Variants in RBMS1 observed in about 807,000 individuals in gnomAD.
RBMS1 encodes the protein RNA binding motif single stranded interacting protein 1, also known as RNA-binding motif, single-stranded-interacting protein 1.
RBMS1 carries 17 observed loss-of-function variants against 62.3 expected under a neutral mutation model. The observed-to-expected ratio is 0.27, with a 90% CI of 0.19 to 0.41. The LOEUF is 0.41. RBMS1 is among the 10% of genes least tolerant of loss of function. The probability of loss-of-function intolerance (pLI) is 1.00; values close to 1 mark genes in which losing one functional copy is unlikely to be tolerated. For missense variants in RBMS1, 334 were observed against 504.5 expected, an observed-to-expected ratio of 0.66 and a Z score of 3.24; for synonymous variants, 172 against 170.0, an observed-to-expected ratio of 1.01 and a Z score of -0.09.
chr2:160,424,231 C>T (rs886795946), intron 1 of RBMS1, among the ~76,000 whole-genome samples: 1 of 151,930 alleles, frequency 6.6e-6, no homozygotes, highest in Non-Finnish European at 1.5e-5. Context: ...GTTGGCCAGG[C>T]TGGTCTCAAA....
intron 1 of RBMS1, among the ~76,000 whole-genome samples, chr2:160,440,130 T>C (rs1166555022): frequency 2.6e-5 from 1 of 37,752 alleles, no homozygotes; most frequent in Non-Finnish European, 7.1e-5. Context: ...TTTTTTTCCC[T>C]GAGACAGAGT....
At chr2:160,333,070 GC>G (rs1198644392) in intron 2 of RBMS1, among the ~76,000 whole-genome samples, 6 of 151,946 alleles carry the variant, frequency 3.9e-5, no homozygotes, top group African/African-American at 1.5e-4. Context: ...AAGACGTAAG[GC>G]AACCCAGGTG....
rs1685971283 is a variant in RBMS1 at position 160,493,646 on chromosome 2, T to A, written c.-283A>T. 2.0e-6 allele frequency: 1 copy of A among 494,940 alleles called. No individual in the cohort carries two copies. Among genetic ancestry groups the A allele is most frequent in the Non-Finnish European group, 3.6e-6 (1 of 274,028 alleles). 30.7% of individuals were successfully genotyped at this position (494,940 alleles called of 1,614,324 possible). On this transcript the variant is annotated 5_prime_UTR_variant, in exon 1 of 14. Transcript: ENST00000348849. ...GCAGAGGGCACCCCGGACAGGGCGC[T>A]CCCAAGGAGTTTCCTCCCGGAGCCC...
chr2:160,343,616 TA>T (rs1221654586), intron 2 of RBMS1, among the ~76,000 whole-genome samples: 1 of 152,104 alleles, frequency 6.6e-6, no homozygotes, highest in African/African-American at 2.4e-5. Flanking sequence ...TCACCTGGAG[TA>T]AAATTTAATT....
chr2:160,478,395 T>G (rs993278388), intron 1 of RBMS1, among the ~76,000 whole-genome samples: 1 of 152,198 alleles, frequency 6.6e-6, no homozygotes, highest in Non-Finnish European at 1.5e-5. Context: ...CATACAATCC[T>G]AAGAAGTTGG....
Position 160,447,793 on chromosome 2 carries a change from T to C in RBMS1, c.75+45496A>G, listed in dbSNP as rs1167462557. The stretch of plus-strand genomic sequence containing the variant: ...AAGATCAAGAGATACTGCAGCATGC[T>C]CTTCTGAGTGCTGGGGGTCAAGAGA... On this transcript the variant is annotated intron_variant, in intron 1 of 13. Coordinates refer to ENST00000348849, the MANE Select transcript of RBMS1 (RefSeq NM_016836.4). 2.0e-5 allele frequency among the ~76,000 whole-genome samples: 3 copies of C among 152,218 alleles called. No individual in the cohort carries two copies. In the South Asian group the frequency reaches 6.2e-4, roughly 31 times the overall value.
chr2:160,357,580 T>A (rs1388700631), intron 2 of RBMS1, among the ~76,000 whole-genome samples: 1 of 152,128 alleles, frequency 6.6e-6, no homozygotes, highest in Non-Finnish European at 1.5e-5. Flanking sequence ...CAGGATGACA[T>A]TAAAATTCCC....
At chr2:160,408,504 T>A in intron 1 of RBMS1, 1 of 152,054 alleles carries the variant, frequency 6.6e-6, no homozygotes, top group African/African-American at 2.4e-5. Flanking sequence ...TAAGCCAGAG[T>A]TTACCAGCTT....
intron 1 of RBMS1, among the ~76,000 whole-genome samples, chr2:160,448,372 C>T (rs1436673072): frequency 6.6e-6 from 1 of 150,484 alleles, no homozygotes; most frequent in Non-Finnish European, 1.5e-5. Context: ...CTGCCGCCAT[C>T]TCGGCTCACT....
At chr2:160,470,891 T>C (rs1684888474) in intron 1 of RBMS1, among the ~76,000 whole-genome samples, 1 of 152,224 alleles carries the variant, frequency 6.6e-6, no homozygotes, top group Non-Finnish European at 1.5e-5. Context: ...GTTCCAAGAA[T>C]GGTCTCTCTC....
intron 1 of RBMS1, among the ~76,000 whole-genome samples, chr2:160,473,721 A>T (rs959654302): frequency 6.6e-6 from 1 of 152,218 alleles, no homozygotes; most frequent in Non-Finnish European, 1.5e-5. Context: ...ATACCAGAAC[A>T]GTCTGCTCTG....
Position 160,367,311 on chromosome 2 carries a change from G to A in RBMS1, c.156C>T (p.Ser52=). ...TGCTGAGCTGATCCCATCCTGAGTT[G>A]CTACTGCTGCTACTGTTGTTATTAC... The part of the protein sequence containing the change: ...TSSNNNSSSS[S]NSGWDQLSKT... Residue 52 remains serine (S), a synonymous_variant, in exon 2 of 14, where the codon AGC becomes AGT. Transcript: ENST00000348849. 6.2e-7 allele frequency: 1 copy of A among 1,614,034 alleles called. No individual in the cohort carries two copies. The highest frequency in any genetic ancestry group is 1.7e-5 in the Admixed American group (1 of 60,010).
intron 1 of RBMS1, 193 bp from the exon 2 acceptor site, chr2:160,367,584 G>T: frequency 3.8e-6 from 4 of 1,043,192 alleles, no homozygotes; most frequent in East Asian, 2.9e-5. Context: ...TTGATAATAG[G>T]GTTTACTAAG....
chr2:160,319,063 T>C (rs372444007), intron 2 of RBMS1, among the ~76,000 whole-genome samples: 1 of 152,244 alleles, frequency 6.6e-6, no homozygotes, highest in East Asian at 1.9e-4. Flanking sequence ...ATACTGCTAC[T>C]GAAAACGAAG....
Position 160,365,885 on chromosome 2 carries a change from G to A in RBMS1, c.251+1331C>T, listed in dbSNP as rs529456631. Among the ~76,000 whole-genome samples the A allele has an allele frequency of 1.8e-4, 27 of 152,344 alleles. No homozygotes were observed. The Middle Eastern group carries it at 0.017, about 96-fold the overall frequency. Reference sequence around the variant, plus strand: ...TGTGGTCTTGAACAGCTGCAATAGGGCAGGGCGTGCCTGGCAGGGTTCCCT... The same window carrying A: ...TGTGGTCTTGAACAGCTGCAATAGGACAGGGCGTGCCTGGCAGGGTTCCCT... On this transcript the variant is annotated intron_variant, in intron 2 of 13. Transcript: ENST00000348849.
intron 1 of RBMS1, among the ~76,000 whole-genome samples, chr2:160,480,974 A>G (rs1300607508): frequency 6.6e-6 from 1 of 151,672 alleles, no homozygotes; most frequent in African/African-American, 2.4e-5. Flanking sequence ...TCAGCTACTC[A>G]AGAGGCTGAG....
intron 10 of RBMS1, 66 bp downstream of exon 10, chr2:160,281,248 T>A: frequency 7.6e-7 from 1 of 1,310,416 alleles, no homozygotes; most frequent in Non-Finnish European, 1.0e-6. Context: ...CAAATGGTTT[T>A]AACCTAGAGA....
At chr2:160,380,816 G>C (rs1443288836) in intron 1 of RBMS1, among the ~76,000 whole-genome samples, 1 of 152,186 alleles carries the variant, frequency 6.6e-6, no homozygotes, top group East Asian at 1.9e-4. Flanking sequence ...CCTCGTGGCA[G>C]GGAACGGTGG....
At chr2:160,460,677 A>G (rs1406769622) in intron 1 of RBMS1, among the ~76,000 whole-genome samples, 1 of 152,178 alleles carries the variant, frequency 6.6e-6, no homozygotes, top group Non-Finnish European at 1.5e-5. Context: ...CTTTTTAATG[A>G]TGCCCTTGAG....
Sources: allele counts gnomAD v4.1 joint callset (sites outside exome capture counted in the v4.1 genomes callset), GRCh38; gene constraint gnomAD v4.1.1; transcripts MANE v1.5; gene names NCBI Gene and HGNC (gene_info 2026-07-23, HGNC 2026-07-21).